NSD3: variants seen among roughly 807,000 people sequenced by gnomAD.
NSD3 encodes histone-lysine N-methyltransferase NSD3.
A neutral mutation model predicts 160.8 loss-of-function variants in NSD3; 24 were observed. The ratio of observed to expected loss-of-function variants is 0.15; its 90% CI spans 0.11 to 0.21. The LOEUF (loss-of-function observed/expected upper bound fraction) is 0.21. NSD3 is among the 10% of genes least tolerant of loss of function. The pLI, the probability that NSD3 is intolerant of heterozygous loss-of-function variation, is 1.00. For synonymous variants in NSD3, 520 were observed against 600.0 expected (o/e 0.87, Z 1.95); for missense variants, 1,157 against 1,735.9 (o/e 0.67, Z 5.93).
Position 38,278,294 on chromosome 8 carries a change from T to G in NSD3, c.3867+12A>C, listed in dbSNP as rs776443048. On this transcript the variant is annotated intron_variant, in intron 22 of 23. Coordinates refer to ENST00000317025, the MANE Select transcript of NSD3 (RefSeq NM_023034.2). The stretch of plus-strand genomic sequence containing the variant: ...CGCCTGTTGACTGGGGGCGCTCCCC[T>G]GCAAGACTGACCTTTGGCCGCACTC... 6.2e-7 allele frequency: 1 copy of G among 1,613,136 alleles called. No individual in the cohort carries two copies. Among genetic ancestry groups the G allele is most frequent in the Non-Finnish European group, 8.5e-7 (1 of 1,179,416 alleles).
chr8:38,285,039 A>T (rs1047410130), intron 19 of NSD3, among the ~76,000 whole-genome samples: 1 of 152,262 alleles, frequency 6.6e-6, no homozygotes, highest in African/African-American at 2.4e-5. Flanking sequence ...TGTGAAAAAA[A>T]ATTGTAACAA....
In NSD3 at chr8:38,271,702, C is replaced by T. The variant is rs1293075184; in HGVS notation, c.*3939G>A. The T allele has an allele frequency of 6.6e-6, 1 of 152,172 alleles. No individual in the cohort carries two copies. The highest frequency in any genetic ancestry group is 1.5e-5 in the Non-Finnish European group (1 of 68,030). The allele number at this position is 152,172 out of a possible 1,614,324, so 9.4% of individuals were successfully genotyped here. On this transcript the variant is annotated 3_prime_UTR_variant, in exon 24 of 24. Transcript: ENST00000317025. ...AACTGGGGGAGGCTGGATGCATCAG[C>T]CTTGTGAAAAGTAACTTTAGTCTAC...
At chr8:38,282,791 G>C (rs1206244982) in intron 19 of NSD3, among the ~76,000 whole-genome samples, 1 of 152,228 alleles carries the variant, frequency 6.6e-6, no homozygotes, top group Non-Finnish European at 1.5e-5. Flanking sequence ...ATCTACCCAA[G>C]GTGCTGAGTA....
chr8:38,312,754 T>A (rs1376754476), intron 12 of NSD3, among the ~76,000 whole-genome samples: 1 of 152,180 alleles, frequency 6.6e-6, no homozygotes, highest in Non-Finnish European at 1.5e-5. Flanking sequence ...TCCTGAGGCC[T>A]CCTCAGAAGC....
In NSD3 at chr8:38,288,890, G is replaced by T; in HGVS notation, c.3232-134C>A. The T allele has an allele frequency of 9.0e-7, 1 of 1,106,372 alleles. No homozygotes were observed. The highest frequency in any genetic ancestry group is 1.3e-6 in the Non-Finnish European group (1 of 790,218). The allele number at this position is 1,106,372 out of a possible 1,614,324, so 68.5% of individuals were successfully genotyped here. On this transcript the variant is annotated intron_variant, in intron 18 of 23. Coordinates refer to ENST00000317025, the MANE Select transcript of NSD3 (RefSeq NM_023034.2). This position sits in a 1 kb window ranked among gnomAD's most constrained non-coding sequence, Gnocchi z 4.5. Reference sequence around the variant, plus strand: ...AAAGGTTGTCTTTCCTGATGAATAAGCTGAGATTAATAACCATCTCTTTTG... The same window carrying T: ...AAAGGTTGTCTTTCCTGATGAATAATCTGAGATTAATAACCATCTCTTTTG...
At chr8:38,278,241 C>G (rs1044226169) in intron 22 of NSD3, 65 bp downstream of exon 22, 5 of 1,482,784 alleles carry the variant, frequency 3.4e-6, no homozygotes, top group Non-Finnish European at 4.6e-6. Flanking sequence ...CCCGGCCAAA[C>G]AGACTTCTTA....
Position 38,366,418 on chromosome 8 carries a change from C to CTTTTTTT in NSD3, c.-45+15374_-45+15380dup, listed in dbSNP as rs374656504. Among the ~76,000 whole-genome samples the CTTTTTTT allele has an allele frequency of 1.2e-3, 153 of 132,172 alleles. 3 individuals are homozygous for CTTTTTTT. The highest frequency in any genetic ancestry group is 8.0e-3 in the Middle Eastern group (2 of 250). The allele number at this position is 132,172 out of a possible 152,430, so 86.7% of individuals were successfully genotyped here. A position where few individuals can be genotyped will look rare whatever the true frequency, so the allele number is the denominator to read the frequency against. On this transcript the variant is annotated intron_variant, in intron 1 of 23. Coordinates refer to ENST00000317025, the MANE Select transcript of NSD3 (RefSeq NM_023034.2). ...CAATTATGTTCACATCTACTTAATTCTTTTTTTTTTTTTTTTGAGATAGAG... is the reference window on the plus strand; with the variant it reads ...CAATTATGTTCACATCTACTTAATTCTTTTTTTTTTTTTTTTTTTTTTTGAGATAGAG...
rs371927210 is a variant in NSD3 at position 38,327,964 on chromosome 8, G to A, written c.1582-1108C>T. On this transcript the variant is annotated intron_variant, in intron 6 of 23. Transcript: ENST00000317025. Reference sequence around the variant, plus strand: ...TGCCTGTAATCTCAACACTTTGGGAGACTGAGGCAGGAGAACAGCTAGAGG... The same window carrying A: ...TGCCTGTAATCTCAACACTTTGGGAAACTGAGGCAGGAGAACAGCTAGAGG... Among the ~76,000 whole-genome samples the A allele has an allele frequency of 3.0e-4, 45 of 152,304 alleles. No homozygotes were observed. In the South Asian group the frequency reaches 9.1e-3, roughly 31 times the overall value.
chr8:38,307,585 C>A (rs1235951147), intron 12 of NSD3, among the ~76,000 whole-genome samples: 2 of 152,132 alleles, frequency 1.3e-5, no homozygotes, highest in African/African-American at 4.8e-5. Context: ...GTTAAATAAA[C>A]TATGACTATA....
intron 1 of NSD3, among the ~76,000 whole-genome samples, chr8:38,369,783 TTTTTTGTTTTTG>T (rs561362638): frequency 3.6e-4 from 55 of 152,094 alleles, no homozygotes; most frequent in African/African-American, 9.2e-4. Flanking sequence ...CCCAGTTTTG[TTTTTTGTTTTTG>T]TTTTTGTTTT....
Position 38,271,760 on chromosome 8 carries a change from C to CT in NSD3, c.*3880dup, listed in dbSNP as rs1402382136. 1 of 152,180 alleles carries CT rather than the reference C, an allele frequency of 6.6e-6. No individual in the cohort carries two copies. Among genetic ancestry groups the CT allele is most frequent in the Non-Finnish European group, 1.5e-5 (1 of 68,040 alleles). The allele number at this position is 152,180 out of a possible 1,614,324, so 9.4% of individuals were successfully genotyped here. On this transcript the variant is annotated 3_prime_UTR_variant, in exon 24 of 24. Coordinates refer to ENST00000317025, the MANE Select transcript of NSD3 (RefSeq NM_023034.2). Reference sequence around the variant, plus strand: ...AGAAATAAAGCAACTTTCCAATGTCCTTTTTCTCATATGGAAGTATAGAAT... The same window carrying CT: ...AGAAATAAAGCAACTTTCCAATGTCCTTTTTTCTCATATGGAAGTATAGAAT...
At position 38,289,410 on chromosome 8, in the gene NSD3, G is replaced by A; in HGVS notation, c.3214C>T (p.Pro1072Ser). ...EIEKNSRKPP[P>S]YKHIKANKVI... is the part of the protein sequence containing the mutation. ...AGACTTACTTTGATGTGTTTGTAGG[G>A]AGGGGGTTTTCTTGAGTTTTTTTCA... is the stretch of plus-strand genomic sequence containing the variant. Residue 1072 changes from proline (P) to serine (S), a missense_variant, in exon 18 of 24, where the codon CCC (proline) becomes TCC (serine). By Grantham distance (74) the Pro-to-Ser change is moderately conservative. This residue lies in a region of NSD3 where 437 missense variants were observed against 576.6 expected (regional missense o/e 0.76). Transcript: ENST00000317025. The A allele has an allele frequency of 2.5e-6, 4 of 1,613,474 alleles. No homozygotes were observed. Among genetic ancestry groups the A allele is most frequent in the Non-Finnish European group, 3.4e-6 (4 of 1,179,804 alleles).
chr8:38,275,571 G>C lies in NSD3; in HGVS notation c.*70C>G, dbSNP rs1808578264. ...GGCAAAGGCTGTATGCACTGTAGCAGTCTCTTCTTTTTAAATGCATGATCT... is the reference window on the plus strand; with the variant it reads ...GGCAAAGGCTGTATGCACTGTAGCACTCTCTTCTTTTTAAATGCATGATCT... On this transcript the variant is annotated 3_prime_UTR_variant, in exon 24 of 24. Coordinates refer to ENST00000317025, the MANE Select transcript of NSD3 (RefSeq NM_023034.2). 1.4e-6 allele frequency: 2 copies of C among 1,441,650 alleles called. No homozygotes were observed. Among genetic ancestry groups the C allele is most frequent in the Non-Finnish European group, 9.4e-7 (1 of 1,060,542 alleles). The allele number at this position is 1,441,650 out of a possible 1,614,324, so 89.3% of individuals were successfully genotyped here.
chr8:38,362,577 T>G (rs1288010063), intron 1 of NSD3, among the ~76,000 whole-genome samples: 1 of 152,088 alleles, frequency 6.6e-6, no homozygotes, highest in Non-Finnish European at 1.5e-5. Flanking sequence ...AAAATACGAG[T>G]GTAAGTACAT....
In NSD3 at chr8:38,347,829, C is replaced by G. The variant is rs776051289; in HGVS notation, c.343G>C (p.Glu115Gln). Residue 115 changes from glutamate (E) to glutamine (Q), a missense_variant, in exon 2 of 24, where the codon GAA becomes CAA. By Grantham distance (29) the Glu-to-Gln change is conservative (BLOSUM62 2). This residue lies in a region of NSD3 where 121 missense variants were observed against 177.2 expected (regional missense o/e 0.68). Transcript: ENST00000317025. ...NFSPTDYYHS[E>Q]IPNTRPHEIL... ...TCATGTGGTCTTGTGTTTGGAATTT[C>G]TGAATGATAATAGTCAGTGGGGCTA... The G allele has an allele frequency of 8.7e-6, 14 of 1,614,164 alleles. No homozygotes were observed. The South Asian group carries it at 1.1e-4, about 13-fold the overall frequency.
intron 1 of NSD3, among the ~76,000 whole-genome samples, chr8:38,359,625 C>A (rs747814626): frequency 2.0e-5 from 3 of 152,160 alleles, no homozygotes; most frequent in Non-Finnish European, 2.9e-5. Flanking sequence ...CTGAAAGCAG[C>A]TAGAATCGAT....
At chr8:38,380,058 G>A (rs2150399730) in intron 1 of NSD3, among the ~76,000 whole-genome samples, 1 of 152,240 alleles carries the variant, frequency 6.6e-6, no homozygotes, top group Middle Eastern at 3.4e-3. Context: ...AAAAACCCTG[G>A]CATCTCAATG....
intron 19 of NSD3, among the ~76,000 whole-genome samples, chr8:38,284,829 T>A (rs1463099231): frequency 6.6e-6 from 1 of 152,230 alleles, no homozygotes. Flanking sequence ...TTGATCATGA[T>A]TTATTATGGT....
At chr8:38,310,997 CT>C (rs375699049) in intron 12 of NSD3, among the ~76,000 whole-genome samples, 51 of 145,120 alleles carry the variant, frequency 3.5e-4, no homozygotes, top group African/African-American at 1.0e-3. Flanking sequence ...TTTCTTTTTT[CT>C]TTTTTTTTTG....
Sources: allele counts gnomAD v4.1 joint callset (sites outside exome capture counted in the v4.1 genomes callset), GRCh38; gene constraint gnomAD v4.1.1; regional missense constraint gnomAD v4.1.1; non-coding constraint Gnocchi (gnomAD v3.1); transcripts MANE v1.5; gene names NCBI Gene and HGNC (gene_info 2026-07-23, HGNC 2026-07-21).